Variants in ANXA4 observed in about 807,000 individuals in gnomAD.
ANXA4 encodes the protein 35-beta calcimedin.
In ANXA4, 39 loss-of-function variants were observed where a neutral mutation model predicts 49.8. That is an observed-to-expected ratio of 0.78 (90% CI 0.61 to 1.02). ANXA4 has a LOEUF of 1.02. Ranked by LOEUF, ANXA4 falls within the 50% of genes least tolerant of loss-of-function variation. The pLI, the probability that ANXA4 is intolerant of heterozygous loss-of-function variation, is 0.00. For synonymous variants in ANXA4, 134 were observed against 152.5 expected, an observed-to-expected ratio of 0.88 and a Z score of 0.89; for missense variants, 360 against 410.1, an observed-to-expected ratio of 0.88 and a Z score of 1.05.
At chr2:69,760,916 C>A (rs926795959) in intron 1 of ANXA4, among the ~76,000 whole-genome samples, 7 of 152,022 alleles carry the variant, frequency 4.6e-5, no homozygotes, top group Non-Finnish European at 8.8e-5. Flanking sequence ...TGGTGAACCA[C>A]TTTGGGAGGC....
chr2:69,767,687 C>A (rs1671548778), intron 1 of ANXA4, among the ~76,000 whole-genome samples: 1 of 152,190 alleles, frequency 6.6e-6, no homozygotes, highest in African/African-American at 2.4e-5. Flanking sequence ...TTGACCGGGG[C>A]CATCTGTCTG....
intron 1 of ANXA4, among the ~76,000 whole-genome samples, chr2:69,765,479 A>G (rs1559162209): frequency 6.6e-6 from 1 of 152,118 alleles, no homozygotes; most frequent in Non-Finnish European, 1.5e-5. Context: ...ATATCCGGGT[A>G]CACTACCCCA....
At chr2:69,749,812 C>T (rs1305566705) in intron 1 of ANXA4, among the ~76,000 whole-genome samples, 3 of 151,616 alleles carry the variant, frequency 2.0e-5, no homozygotes, top group Non-Finnish European at 4.4e-5. Context: ...ATAATCCCAG[C>T]TTCTAGGGAG....
At chr2:69,815,303 T>C (rs1246323919) in intron 8 of ANXA4, 2 of 152,238 alleles carry the variant, frequency 1.3e-5, no homozygotes, top group Non-Finnish European at 1.5e-5. Context: ...CTTTCAGCTT[T>C]AAATTTTTAT....
chr2:69,682,600 GTTCT>G (rs1385066035), intron 2 of ANXA4, among the ~76,000 whole-genome samples: 1 of 152,010 alleles, frequency 6.6e-6, no homozygotes, highest in Non-Finnish European at 1.5e-5. Flanking sequence ...AGCTTAACAA[GTTCT>G]TTCTCAACAA....
chr2:69,778,556 A>C (rs1316019587), intron 1 of ANXA4, among the ~76,000 whole-genome samples: 1 of 152,140 alleles, frequency 6.6e-6, no homozygotes, highest in African/African-American at 2.4e-5. Context: ...CGGGCAGATC[A>C]CCTGACGTCG....
intron 1 of ANXA4, among the ~76,000 whole-genome samples, chr2:69,778,826 G>A (rs1280696671): frequency 6.8e-6 from 1 of 147,060 alleles, no homozygotes; most frequent in Non-Finnish European, 1.5e-5. Context: ...GGCCAGGTGT[G>A]ATGGCTCATG....
intron 1 of ANXA4, among the ~76,000 whole-genome samples, chr2:69,779,024 C>A (rs1672084927): frequency 6.9e-6 from 1 of 144,608 alleles, no homozygotes; most frequent in African/African-American, 2.6e-5. Flanking sequence ...AGAAGACTCG[C>A]TTGAACCTGG....
intron 2 of ANXA4, among the ~76,000 whole-genome samples, chr2:69,681,892 A>G (rs1476033534): frequency 6.6e-6 from 1 of 151,694 alleles, no homozygotes; most frequent in Non-Finnish European, 1.5e-5. Flanking sequence ...GCTGGAGTAC[A>G]ATGGCTCTAT....
chr2:69,748,179 TC>T (rs1670691997), intron 1 of ANXA4, among the ~76,000 whole-genome samples: 1 of 151,630 alleles, frequency 6.6e-6, no homozygotes, highest in African/African-American at 2.4e-5. Context: ...ATTGAGACCA[TC>T]CTGGCTAACA....
chr2:69,673,694 AC>A (rs1677285497), intron 2 of ANXA4, among the ~76,000 whole-genome samples: 1 of 143,224 alleles, frequency 7.0e-6, no homozygotes, highest in African/African-American at 2.8e-5. Context: ...AAAGACACAC[AC>A]ACACACACAC....
chr2:69,798,042 G>T (rs1369830130), intron 3 of ANXA4, among the ~76,000 whole-genome samples: 1 of 152,206 alleles, frequency 6.6e-6, no homozygotes, highest in Non-Finnish European at 1.5e-5. Context: ...ACAGGAGAAA[G>T]TTAGTTTGCC....
intron 1 of ANXA4, among the ~76,000 whole-genome samples, chr2:69,753,804 G>C (rs980745249): frequency 2.6e-5 from 4 of 152,216 alleles, no homozygotes; most frequent in Admixed American, 2.0e-4. Context: ...ACAGAAAGAA[G>C]TTTCTCCTAA....
upstream of ANXA4, among the ~76,000 whole-genome samples, chr2:69,739,912 C>G (rs1315689427): frequency 6.6e-6 from 1 of 152,156 alleles, no homozygotes; most frequent in Non-Finnish European, 1.5e-5. Context: ...GAGGGAGAAA[C>G]TGAGCAAAGA....
chr2:69,676,029 TA>T (rs1323372836), intron 2 of ANXA4, among the ~76,000 whole-genome samples: 5 of 150,056 alleles, frequency 3.3e-5, no homozygotes, highest in African/African-American at 1.2e-4. Flanking sequence ...ATAATAATGA[TA>T]ATAATAATAA....
At chr2:69,657,738 G>A (rs1676559107) in intron 2 of ANXA4, among the ~76,000 whole-genome samples, 2 of 151,974 alleles carry the variant, frequency 1.3e-5, no homozygotes, top group Admixed American at 1.3e-4. Context: ...ATTGATTTAT[G>A]CTACTTATTA....
intron 2 of ANXA4, among the ~76,000 whole-genome samples, chr2:69,705,872 C>T (rs1343727083): frequency 6.6e-6 from 1 of 152,126 alleles, no homozygotes; most frequent in East Asian, 1.9e-4. Flanking sequence ...GTGGAGGTTG[C>T]AGTGAGCTAA....
intron 1 of ANXA4, among the ~76,000 whole-genome samples, chr2:69,751,861 G>A (rs1328865744): frequency 6.6e-6 from 1 of 152,140 alleles, no homozygotes; most frequent in Non-Finnish European, 1.5e-5. Context: ...CTGCCAAATG[G>A]GCAAAGGTGC....
chr2:69,818,787 G>T, intron 10 of ANXA4, 93 bp downstream of exon 10: 1 of 785,396 alleles, frequency 1.3e-6, no homozygotes, highest in African/African-American at 1.8e-5. Flanking sequence ...TATTTTTAGA[G>T]ATAAAAGTTG....
Sources: gnomAD v4.1 joint callset for allele counts (sites outside exome capture counted in the v4.1 genomes callset) on GRCh38, gnomAD v4.1.1 for gene constraint, MANE v1.5 for transcripts, NCBI Gene and HGNC (gene_info 2026-07-23, HGNC 2026-07-21) for gene names.